TCF7L1: variants seen among roughly 807,000 people sequenced by gnomAD.
TCF7L1 encodes the protein transcription factor 7-like 1.
A neutral mutation model predicts 63.7 loss-of-function variants in TCF7L1; 18 were observed. The ratio of observed to expected loss-of-function variants is 0.28; its 90% CI spans 0.20 to 0.42. The LOEUF (loss-of-function observed/expected upper bound fraction) is 0.42, where lower values mean the gene tolerates loss of function less well. Among genes scored for constraint, TCF7L1 ranks in the 10% least tolerant of loss-of-function variants. The pLI is 1.00. For missense variants in TCF7L1, 654 were observed against 779.3 expected (o/e 0.84, Z 1.91); for synonymous variants, 355 against 340.9 (o/e 1.04, Z -0.46).
chr2:85,199,781 A>G (rs1261195859), intron 3 of TCF7L1, among the ~76,000 whole-genome samples: 2 of 152,188 alleles, frequency 1.3e-5, no homozygotes, highest in Non-Finnish European at 2.9e-5. Context: ...TTTTATTGAG[A>G]TATAAATCAC....
rs1271271566 is a variant in TCF7L1 at position 85,172,883 on chromosome 2, GATTT to G, written c.441+38438_441+38441del. On this transcript the variant is annotated intron_variant, in intron 3 of 11. Transcript: ENST00000282111. ...TCCAGCCCTCTTCACCCCTCTCCTG[GATTT>G]ATTTGAGTCCAGAGCACCCCTGCCA... Among the ~76,000 whole-genome samples, 4 of 152,090 alleles carry G rather than the reference GATTT, an allele frequency of 2.6e-5. 1 individual carries two copies. In the Middle Eastern group the frequency reaches 0.01, roughly 388 times the overall value.
At position 85,233,316 on chromosome 2, in the gene TCF7L1, A is replaced by AT. The variant is rs11345481; in HGVS notation, c.442-50160dup. ...TTCTCTAAAAAGGTTAAATTCAGAG[A>AT]TTTTTTTTTTTTTTTTTTTAGATGG... is the stretch of plus-strand genomic sequence containing the variant. On this transcript the variant is annotated intron_variant, in intron 3 of 11. Transcript: ENST00000282111. Among the ~76,000 whole-genome samples, 29 of 134,540 alleles carry AT rather than the reference A, an allele frequency of 2.2e-4. 1 individual carries two copies. Among genetic ancestry groups the AT allele is most frequent in the Middle Eastern group, 3.8e-3 (1 of 260 alleles). The allele number at this position is 134,540 out of a possible 152,430, so 88.3% of individuals were successfully genotyped here. A position where few individuals can be genotyped will look rare whatever the true frequency, so the allele number is the denominator to read the frequency against.
intron 3 of TCF7L1, among the ~76,000 whole-genome samples, chr2:85,228,671 A>G (rs1041897547): frequency 2.6e-5 from 4 of 152,068 alleles, no homozygotes; most frequent in African/African-American, 9.7e-5. Flanking sequence ...GAGATGGGCT[A>G]GGGAGGTAAC....
chr2:85,166,189 G>C (rs1678414893), intron 3 of TCF7L1, among the ~76,000 whole-genome samples: 1 of 152,218 alleles, frequency 6.6e-6, no homozygotes, highest in Non-Finnish European at 1.5e-5. Context: ...AGATTTGACT[G>C]TAGGGCTGAG....
At chr2:85,166,712 G>A (rs1678427184) in intron 3 of TCF7L1, among the ~76,000 whole-genome samples, 1 of 152,194 alleles carries the variant, frequency 6.6e-6, no homozygotes, top group African/African-American at 2.4e-5. Context: ...AAATCCCAGA[G>A]CACACTCAAA....
chr2:85,286,115 C>T (rs62162679), intron 4 of TCF7L1, among the ~76,000 whole-genome samples: 44,749 of 148,828 alleles, frequency 0.3, 7,123 homozygotes, highest in Middle Eastern at 0.38. Context: ...CGCCTGAACC[C>T]GGGAGGCAGA....
At chr2:85,247,117 A>G (rs1442988906) in intron 3 of TCF7L1, among the ~76,000 whole-genome samples, 2 of 152,242 alleles carry the variant, frequency 1.3e-5, no homozygotes. Flanking sequence ...TTGAGCAAGT[A>G]CACCATGCTA....
chr2:85,278,492 T>A (rs901785995), intron 3 of TCF7L1, among the ~76,000 whole-genome samples: 22 of 152,078 alleles, frequency 1.4e-4, no homozygotes, highest in Non-Finnish European at 7.4e-5. Context: ...ACCTGGGAAA[T>A]GCAAAAATGC....
chr2:85,238,859 G>A (rs746374435), intron 3 of TCF7L1, among the ~76,000 whole-genome samples: 13 of 149,716 alleles, frequency 8.7e-5, no homozygotes, highest in Non-Finnish European at 1.5e-4. Flanking sequence ...TTACTCTGTC[G>A]CCCAGACTGG....
intron 3 of TCF7L1, among the ~76,000 whole-genome samples, chr2:85,244,063 C>T (rs555634700): frequency 6.6e-6 from 1 of 152,310 alleles, no homozygotes; most frequent in East Asian, 1.9e-4. Context: ...TCTATAGACA[C>T]ATACACGGGG....
At chr2:85,239,995 A>G (rs1163493568) in intron 3 of TCF7L1, among the ~76,000 whole-genome samples, 2 of 152,156 alleles carry the variant, frequency 1.3e-5, no homozygotes, top group Non-Finnish European at 2.9e-5. Context: ...GGAAGCAAGT[A>G]AATTAATTTT....
intron 3 of TCF7L1, among the ~76,000 whole-genome samples, chr2:85,282,597 T>C (rs138141310): frequency 6.6e-6 from 1 of 152,284 alleles, no homozygotes; most frequent in East Asian, 1.9e-4. Flanking sequence ...TTACAGATGC[T>C]GAAACTGGGA....
rs1680939076 is a variant in TCF7L1 at position 85,265,207 on chromosome 2, G to A, written c.442-18288G>A. On this transcript the variant is annotated intron_variant, in intron 3 of 11. Coordinates refer to ENST00000282111, the MANE Select transcript of TCF7L1 (RefSeq NM_031283.3). ...TCTTTGAAAGAGAAGCCCAAACAAT[G>A]GGTAGAAACTACAGAAAGTTATGGA... Among the ~76,000 whole-genome samples, 6 of 151,970 alleles carry A rather than the reference G, an allele frequency of 3.9e-5. No individual in the cohort carries two copies. In the South Asian group the frequency reaches 1.2e-3, roughly 32 times the overall value.
intron 4 of TCF7L1, among the ~76,000 whole-genome samples, chr2:85,291,355 C>A (rs1292258953): frequency 2.0e-5 from 3 of 152,220 alleles, no homozygotes; most frequent in Non-Finnish European, 4.4e-5. Flanking sequence ...TGCTGAATAT[C>A]TAAATTCATC....
At chr2:85,282,794 T>TTGTGTGTGTGTGTGTGTG (rs59628868) in intron 3 of TCF7L1, among the ~76,000 whole-genome samples, 15 of 119,222 alleles carry the variant, frequency 1.3e-4, no homozygotes, top group Middle Eastern at 4.8e-3. Context: ...GAGAGAGAGA[T>TTGTGTGTGTGTGTGTGTG]TGTGTGTGTG....
intron 5 of TCF7L1, 172 bp from the exon 6 acceptor site, chr2:85,303,723 T>C (rs961958861): frequency 2.0e-5 from 11 of 541,874 alleles, no homozygotes; most frequent in Non-Finnish European, 3.3e-5. Flanking sequence ...AATATGTCCT[T>C]GACTGACTGG....
chr2:85,239,953 A>C lies in TCF7L1; in HGVS notation c.442-43542A>C, dbSNP rs532336802. On this transcript the variant is annotated intron_variant, in intron 3 of 11. Transcript: ENST00000282111. Reference sequence around the variant, plus strand: ...AGAGCGAGACTCCATCTAAAAAAAAAAAAAAAAACAAAAAAAAAACAAGAA... The same window carrying C: ...AGAGCGAGACTCCATCTAAAAAAAACAAAAAAAACAAAAAAAAAACAAGAA... 6.6e-5 allele frequency among the ~76,000 whole-genome samples: 10 copies of C among 151,880 alleles called. No homozygotes were observed. The South Asian group carries it at 1.0e-3, about 16-fold the overall frequency.
intron 3 of TCF7L1, among the ~76,000 whole-genome samples, chr2:85,174,836 T>C (rs1678637696): frequency 6.6e-6 from 1 of 152,256 alleles, no homozygotes; most frequent in Non-Finnish European, 1.5e-5. Context: ...CCTCTGCTCC[T>C]ACATCCTTGG....
At chr2:85,207,249 C>T (rs1223377240) in intron 3 of TCF7L1, among the ~76,000 whole-genome samples, 1 of 152,152 alleles carries the variant, frequency 6.6e-6, no homozygotes, top group South Asian at 2.1e-4. Context: ...TGTGACCTAC[C>T]ATGCACACAA....
Sources: allele counts gnomAD v4.1 joint callset (sites outside exome capture counted in the v4.1 genomes callset), GRCh38; gene constraint gnomAD v4.1.1; transcripts MANE v1.5; gene names NCBI Gene and HGNC (gene_info 2026-07-23, HGNC 2026-07-21).